PHACTR1: variants seen among roughly 807,000 people sequenced by gnomAD.
The protein encoded by PHACTR1 is phosphatase and actin regulator 1, also known as RPEL repeat containing 1.
PHACTR1 carries 16 observed loss-of-function variants against 69.2 expected under a neutral mutation model. That is an observed-to-expected ratio of 0.23 (90% CI 0.16 to 0.35). The LOEUF (loss-of-function observed/expected upper bound fraction) is 0.35. Among genes scored for constraint, PHACTR1 ranks in the 10% least tolerant of loss-of-function variants. The pLI is 1.00. For synonymous variants in PHACTR1, 312 were observed against 284.5 expected (o/e 1.10, Z -0.97); for missense variants, 510 against 734.7 (o/e 0.69, Z 3.54).
chr6:12,763,155 G>A (rs1216514793), intron 4 of PHACTR1, among the ~76,000 whole-genome samples: 9 of 152,212 alleles, frequency 5.9e-5, no homozygotes, highest in African/African-American at 1.2e-4. Flanking sequence ...AGAGGTTGCA[G>A]TAAGCTAAGA....
At position 13,140,302 on chromosome 6, in the gene PHACTR1, G is replaced by A. The variant is rs1173928221; in HGVS notation, c.416-19902G>A. 2.6e-5 allele frequency among the ~76,000 whole-genome samples: 4 copies of A among 151,998 alleles called. No individual in the cohort carries two copies. In the South Asian group the frequency reaches 8.3e-4, roughly 31 times the overall value. ...TTCTGGGTATATATCCAAAATAATT[G>A]AAAACAGTATCTCGGAGAGAGAGAT... On this transcript the variant is annotated intron_variant, in intron 5 of 14. Transcript: ENST00000332995.
intron 4 of PHACTR1, among the ~76,000 whole-genome samples, chr6:12,979,946 A>G (rs2127592214): frequency 1.3e-5 from 2 of 152,288 alleles, no homozygotes; most frequent in South Asian, 2.1e-4. Context: ...GGCTCTCCAA[A>G]ATGTTCTTTT....
At chr6:12,772,651 T>A (rs1769537213) in intron 4 of PHACTR1, among the ~76,000 whole-genome samples, 1 of 152,194 alleles carries the variant, frequency 6.6e-6, no homozygotes, top group East Asian at 1.9e-4. Flanking sequence ...TTTTGTGAGA[T>A]AAATGGTACT....
At chr6:13,191,907 GT>G (rs1017918022) in intron 7 of PHACTR1, among the ~76,000 whole-genome samples, 5 of 152,094 alleles carry the variant, frequency 3.3e-5, no homozygotes, top group African/African-American at 9.7e-5. Context: ...AAATGCAGAA[GT>G]TTTTTTTCTG....
At chr6:13,181,586 C>A (rs1014078383) in intron 6 of PHACTR1, among the ~76,000 whole-genome samples, 84 of 152,170 alleles carry the variant, frequency 5.5e-4, no homozygotes, top group African/African-American at 1.8e-3. Context: ...GATCCTGCAC[C>A]GTGGTCCTTG....
At chr6:13,184,781 A>G in intron 7 of PHACTR1, 2 of 1,363,980 alleles carry the variant, frequency 1.5e-6, no homozygotes, top group Non-Finnish European at 2.0e-6. Context: ...CCTGTGTATC[A>G]TGTGGTTGTC....
intron 4 of PHACTR1, among the ~76,000 whole-genome samples, chr6:13,029,073 A>G (rs965001682): frequency 1.3e-5 from 2 of 152,194 alleles, no homozygotes; most frequent in Non-Finnish European, 2.9e-5. Context: ...TCTTCCCGGG[A>G]TAGATACTAT....
chr6:12,943,570 A>G (rs1283322702), intron 4 of PHACTR1, among the ~76,000 whole-genome samples: 3 of 152,216 alleles, frequency 2.0e-5, no homozygotes, highest in Non-Finnish European at 4.4e-5. Context: ...CTGGGATAGT[A>G]TGATCCATGT....
At chr6:13,105,393 G>T (rs1017917735) in intron 5 of PHACTR1, among the ~76,000 whole-genome samples, 2 of 151,556 alleles carry the variant, frequency 1.3e-5, no homozygotes, top group Non-Finnish European at 2.9e-5. Flanking sequence ...GTGTGTGTCG[G>T]GGGCGGGGTG....
intron 4 of PHACTR1, among the ~76,000 whole-genome samples, chr6:12,844,690 T>G: frequency 6.6e-6 from 1 of 151,826 alleles, no homozygotes; most frequent in Non-Finnish European, 1.5e-5. Context: ...ACATCCGCCT[T>G]CTGGAGCCTG....
chr6:13,151,128 C>T (rs562305208), intron 5 of PHACTR1, among the ~76,000 whole-genome samples: 2 of 152,286 alleles, frequency 1.3e-5, no homozygotes, highest in African/African-American at 4.8e-5. Flanking sequence ...ATTTGACTTG[C>T]AAGTAAACTA....
chr6:13,175,626 T>C (rs1197974783), intron 6 of PHACTR1, among the ~76,000 whole-genome samples: 1 of 152,188 alleles, frequency 6.6e-6, no homozygotes, highest in African/African-American at 2.4e-5. Context: ...ATTCTTTCTA[T>C]CACCTGTCAG....
intron 4 of PHACTR1, among the ~76,000 whole-genome samples, chr6:12,962,773 G>C (rs907842568): frequency 9.9e-5 from 15 of 152,118 alleles, no homozygotes; most frequent in African/African-American, 3.6e-4. Context: ...AAAGGATTAC[G>C]GCATGTCTCT....
chr6:12,966,915 A>T (rs989426527), intron 4 of PHACTR1, among the ~76,000 whole-genome samples: 1 of 152,160 alleles, frequency 6.6e-6, no homozygotes, highest in Non-Finnish European at 1.5e-5. Flanking sequence ...CTATTTTTCC[A>T]CTAGATTTGG....
rs532823459 is a variant in PHACTR1, at chr6:13,084,847, TA to T, written c.415+31320del. ...AGTAAGCATATTAAACATTTAAGGC[TA>T]ACTACTAAAAGAATAGAAGTAGAGC... On this transcript the variant is annotated intron_variant, in intron 5 of 14. Coordinates refer to ENST00000332995, the MANE Select transcript of PHACTR1 (RefSeq NM_030948.6). Among the ~76,000 whole-genome samples the T allele has an allele frequency of 7.0e-4, 106 of 152,124 alleles. 1 individual carries two copies. Among genetic ancestry groups the T allele is most frequent in the South Asian group, 5.6e-3 (27 of 4,820 alleles).
chr6:13,064,458 C>T (rs1808180255), intron 5 of PHACTR1, among the ~76,000 whole-genome samples: 1 of 148,932 alleles, frequency 6.7e-6, no homozygotes, highest in African/African-American at 2.5e-5. Context: ...AATGGCAATG[C>T]AGATATAATA....
chr6:12,864,434 A>G (rs1019898379), intron 4 of PHACTR1, among the ~76,000 whole-genome samples: 7 of 152,180 alleles, frequency 4.6e-5, no homozygotes, highest in Admixed American at 4.6e-4. Flanking sequence ...TAATCCCAGC[A>G]CTTTGGGAGG....
At chr6:12,939,715 G>T (rs559310010) in intron 4 of PHACTR1, among the ~76,000 whole-genome samples, 1 of 152,144 alleles carries the variant, frequency 6.6e-6, no homozygotes, top group South Asian at 2.1e-4. Flanking sequence ...GGAGCTAGGG[G>T]GGGCCAGAGG....
At chr6:13,143,563 A>G (rs937541672) in intron 5 of PHACTR1, among the ~76,000 whole-genome samples, 1 of 152,226 alleles carries the variant, frequency 6.6e-6, no homozygotes, top group African/African-American at 2.4e-5. Flanking sequence ...ATTTTAAAAA[A>G]TGTTTTTACA....
Sources: gnomAD v4.1 joint callset for allele counts (sites outside exome capture counted in the v4.1 genomes callset) on GRCh38, gnomAD v4.1.1 for gene constraint, MANE v1.5 for transcripts, NCBI Gene and HGNC (gene_info 2026-07-23, HGNC 2026-07-21) for gene names.